The following ANKRD44 variants were observed in gnomAD, a reference collection of about 807,000 sequenced individuals.
ANKRD44 encodes the protein serine/threonine-protein phosphatase 6 regulatory ankyrin repeat subunit B.
ANKRD44 carries 35 observed loss-of-function variants against 116.0 expected under a neutral mutation model. That is an observed-to-expected ratio of 0.30 (90% CI 0.23 to 0.40). The LOEUF (loss-of-function observed/expected upper bound fraction) is 0.40. Ranked by LOEUF, ANKRD44 falls within the 10% of genes least tolerant of loss-of-function variation. The pLI is 1.00. For synonymous variants in ANKRD44, 435 were observed against 461.8 expected (o/e 0.94, Z 0.74); for missense variants, 1,014 against 1,242.6 (o/e 0.82, Z 2.77).
chr2:197,243,555 T>C (rs771676695), intron 1 of ANKRD44, among the ~76,000 whole-genome samples: 2 of 152,168 alleles, frequency 1.3e-5, no homozygotes, highest in Non-Finnish European at 2.9e-5. Context: ...TCCACTTGAG[T>C]TGCTATAACA....
Position 197,310,775 on chromosome 2 carries a change from G to T in ANKRD44, c.-171C>A. 3 of 556,504 alleles carry T rather than the reference G, an allele frequency of 5.4e-6. No homozygotes were observed. Among genetic ancestry groups the T allele is most frequent in the South Asian group, 3.6e-5 (1 of 27,480 alleles). The allele number at this position is 556,504 out of a possible 1,614,324, so 34.5% of individuals were successfully genotyped here. A position where few individuals can be genotyped will look rare whatever the true frequency, so the allele number is the denominator to read the frequency against. On this transcript the variant is annotated 5_prime_UTR_variant, in exon 1 of 28. Coordinates refer to ENST00000282272, the MANE Select transcript of ANKRD44 (RefSeq NM_001195144.2). ...CGCCGCCTCCTCCCGCCGAGAGGCT[G>T]ACACTGGCTAGTGGGGTTTGCAGCC...
At chr2:197,158,883 T>C (rs959697543) in intron 2 of ANKRD44, among the ~76,000 whole-genome samples, 1 of 152,184 alleles carries the variant, frequency 6.6e-6, no homozygotes, top group Non-Finnish European at 1.5e-5. Flanking sequence ...CCTGCCTTTA[T>C]GACGCCTGAA....
At chr2:197,115,385 C>T (rs925102337) in intron 8 of ANKRD44, among the ~76,000 whole-genome samples, 4 of 152,156 alleles carry the variant, frequency 2.6e-5, no homozygotes, top group Admixed American at 1.3e-4. Context: ...TACCTATTTA[C>T]AAATTATAAG....
chr2:197,142,112 T>G (rs1258760001), intron 3 of ANKRD44, among the ~76,000 whole-genome samples: 4 of 152,240 alleles, frequency 2.6e-5, no homozygotes, highest in Admixed American at 6.5e-5. Context: ...CCATCAGACA[T>G]GATCTGTAAT....
At chr2:197,083,881 C>T (rs944150376) in intron 13 of ANKRD44, among the ~76,000 whole-genome samples, 1 of 152,174 alleles carries the variant, frequency 6.6e-6, no homozygotes, top group Non-Finnish European at 1.5e-5. Flanking sequence ...GCTACAAAGA[C>T]AGTGGCTTCA....
intron 1 of ANKRD44, among the ~76,000 whole-genome samples, chr2:197,249,958 C>T (rs115695403): frequency 0.015 from 2,244 of 152,242 alleles, 17 homozygotes; most frequent in Non-Finnish European, 0.019. Context: ...TTTGTGGTGG[C>T]ATAATTTTAA....
chr2:197,250,328 T>G, intron 1 of ANKRD44, among the ~76,000 whole-genome samples: 1 of 152,132 alleles, frequency 6.6e-6, no homozygotes, highest in Admixed American at 6.5e-5. Context: ...CTGCACCTGT[T>G]TCTTATAAGG....
intron 2 of ANKRD44, among the ~76,000 whole-genome samples, chr2:197,184,589 G>A (rs369529499): frequency 1.4e-5 from 2 of 145,478 alleles, no homozygotes; most frequent in Middle Eastern, 3.6e-3. Flanking sequence ...GCAGTGAGCC[G>A]AGATCACGCC....
At chr2:197,239,628 A>G (rs2082048215) in intron 1 of ANKRD44, among the ~76,000 whole-genome samples, 1 of 152,238 alleles carries the variant, frequency 6.6e-6, no homozygotes, top group Non-Finnish European at 1.5e-5. Flanking sequence ...AGATTACTCA[A>G]TGCAAGATAA....
At chr2:197,253,385 A>G (rs1475152663) in intron 1 of ANKRD44, among the ~76,000 whole-genome samples, 1 of 152,200 alleles carries the variant, frequency 6.6e-6, no homozygotes, top group African/African-American at 2.4e-5. Flanking sequence ...TGGATAGTTT[A>G]TTAATGTATT....
chr2:197,282,274 A>C (rs966937861), intron 1 of ANKRD44, among the ~76,000 whole-genome samples: 5 of 152,120 alleles, frequency 3.3e-5, no homozygotes, highest in African/African-American at 1.2e-4. Context: ...TATATATAGT[A>C]ACTACAGTGT....
chr2:197,226,715 T>C (rs894275780), intron 1 of ANKRD44, among the ~76,000 whole-genome samples: 4 of 152,058 alleles, frequency 2.6e-5, no homozygotes, highest in African/African-American at 9.7e-5. Context: ...CAGGTACCAC[T>C]AATCCAGTCC....
At position 197,013,565 on chromosome 2, in the gene ANKRD44, C is replaced by T. The variant is rs774090343; in HGVS notation, c.1870G>A (p.Ala624Thr). The change falls in exon 18 of 28, where the codon GCA (alanine) becomes ACA (threonine). Residue 624 changes from alanine to threonine, a missense_variant. Ala to Thr is a moderately conservative substitution (Grantham distance 58, BLOSUM62 0). Transcript: ENST00000282272. ...ECVEALINQG[A>T]SIFVKDNVTK... ...ACATTGTCTTTCACAAAGATGGATGCGCCCTGATTGATAAGCGCTTCCACA... is the reference window on the plus strand; with the variant it reads ...ACATTGTCTTTCACAAAGATGGATGTGCCCTGATTGATAAGCGCTTCCACA... 51 of 1,614,046 alleles carry T rather than the reference C, an allele frequency of 3.2e-5. 1 individual carries two copies. The highest frequency in any genetic ancestry group is 4.0e-5 in the Non-Finnish European group (47 of 1,180,038).
chr2:197,168,363 A>G (rs2080147389), intron 2 of ANKRD44, among the ~76,000 whole-genome samples: 1 of 152,218 alleles, frequency 6.6e-6, no homozygotes, highest in African/African-American at 2.4e-5. Flanking sequence ...CTGAATTATT[A>G]TAGAAAGACA....
At chr2:196,981,067 T>C (rs140954998) in intron 21 of ANKRD44, among the ~76,000 whole-genome samples, 1 of 152,218 alleles carries the variant, frequency 6.6e-6, no homozygotes, top group Non-Finnish European at 1.5e-5. Flanking sequence ...CTTTGCTTTG[T>C]CATCCTCAAA....
intron 21 of ANKRD44, among the ~76,000 whole-genome samples, chr2:196,971,543 AT>A (rs1046428839): frequency 1.3e-5 from 2 of 151,318 alleles, no homozygotes; most frequent in Admixed American, 6.6e-5. Context: ...TAACAGCTGC[AT>A]TTTTTTTCAT....
At chr2:197,064,936 C>G (rs1040587423) in intron 16 of ANKRD44, among the ~76,000 whole-genome samples, 3 of 152,176 alleles carry the variant, frequency 2.0e-5, no homozygotes, top group Non-Finnish European at 2.9e-5. Context: ...TTGAACTCAG[C>G]TCTGCACCAA....
chr2:197,169,371 A>G (rs1213930777), intron 2 of ANKRD44, among the ~76,000 whole-genome samples: 1 of 151,998 alleles, frequency 6.6e-6, no homozygotes, highest in Non-Finnish European at 1.5e-5. Context: ...CTATTCATTC[A>G]TTTCCTTTAC....
chr2:197,179,652 C>T (rs1382376157), intron 2 of ANKRD44, among the ~76,000 whole-genome samples: 1 of 152,190 alleles, frequency 6.6e-6, no homozygotes, highest in African/African-American at 2.4e-5. Flanking sequence ...TGTGAGGGTA[C>T]AAATCATATA....
Sources: gnomAD v4.1 joint callset for allele counts (sites outside exome capture counted in the v4.1 genomes callset) on GRCh38, gnomAD v4.1.1 for gene constraint, MANE v1.5 for transcripts, NCBI Gene and HGNC (gene_info 2026-07-23, HGNC 2026-07-21) for gene names.